ASPA: variants seen among roughly 807,000 people sequenced by gnomAD.
ASPA encodes the protein ACY-2.
In ASPA, 25 loss-of-function variants were observed where a neutral mutation model predicts 29.6. That is an observed-to-expected ratio of 0.85 (90% confidence interval 0.62 to 1.18). ASPA has a LOEUF of 1.18. Ranked by LOEUF, ASPA falls within the 50% of genes most tolerant of loss-of-function variation. The probability of loss-of-function intolerance (pLI) is 0.00; values close to 1 mark genes in which losing one functional copy is unlikely to be tolerated. For synonymous variants in ASPA, 131 were observed against 130.3 expected, an observed-to-expected ratio of 1.01 and a Z score of -0.04; for missense variants, 333 against 385.7, an observed-to-expected ratio of 0.86 and a Z score of 1.14.
intron 1 of ASPA, among the ~76,000 whole-genome samples, chr17:3,479,327 G>A (rs1474434380): frequency 6.6e-6 from 1 of 152,218 alleles, no homozygotes; most frequent in East Asian, 1.9e-4. Context: ...AAATGCGGAA[G>A]AATGATATAG....
chr17:3,483,008 AG>A (rs2073660216), intron 2 of ASPA, among the ~76,000 whole-genome samples: 2 of 143,068 alleles, frequency 1.4e-5, no homozygotes, highest in Admixed American at 1.5e-4. Context: ...CAGATATGGA[AG>A]CAGAATTGCT....
chr17:3,500,484 C>T lies in ASPA; in HGVS notation c.*1396C>T, dbSNP rs1008124619. 6.6e-6 allele frequency: 1 copy of T among 152,078 alleles called. No individual in the cohort carries two copies. The highest frequency in any genetic ancestry group is 1.5e-5 in the Non-Finnish European group (1 of 68,032). The allele number at this position is 152,078 out of a possible 1,614,324, so 9.4% of individuals were successfully genotyped here. ...TAAAGCCAAAGCTCATTAACTGTTT[C>T]AAAAATCCTAAAACTCTTGTTTTTT... On this transcript the variant is annotated 3_prime_UTR_variant, in exon 6 of 6. Coordinates refer to ENST00000263080, the MANE Select transcript of ASPA (RefSeq NM_000049.4).
intron 1 of ASPA, 36 bp from the exon 2 acceptor site, chr17:3,481,567 A>C: frequency 6.4e-7 from 1 of 1,569,930 alleles, no homozygotes; most frequent in East Asian, 2.2e-5. Flanking sequence ...TCTCAGGCAC[A>C]GATGTTGTTC....
intron 4 of ASPA, among the ~76,000 whole-genome samples, chr17:3,493,623 C>G (rs1347266518): frequency 6.7e-6 from 1 of 149,344 alleles, no homozygotes; most frequent in African/African-American, 2.5e-5. Context: ...ACCTCAGTTG[C>G]TGGAACTCCT....
intron 4 of ASPA, 51 bp from the exon 5 acceptor site, chr17:3,494,299 C>G: frequency 7.1e-7 from 1 of 1,412,926 alleles, no homozygotes; most frequent in South Asian, 1.1e-5. Flanking sequence ...CCACCACACC[C>G]GGCCCAGAGA....
At chr17:3,480,351 C>A (rs545504198) in intron 1 of ASPA, among the ~76,000 whole-genome samples, 305 of 152,332 alleles carry the variant, frequency 2.0e-3, no homozygotes, top group Non-Finnish European at 3.5e-3. Flanking sequence ...AATTCAGACA[C>A]TGGAATTTTT....
chr17:3,482,497 A>AGTGT (rs1468217055), intron 2 of ASPA, among the ~76,000 whole-genome samples: 1 of 152,206 alleles, frequency 6.6e-6, no homozygotes, highest in Non-Finnish European at 1.5e-5. Flanking sequence ...GAGAGGAAAG[A>AGTGT]GTGTGGCCTG....
intron 4 of ASPA, 31 bp downstream of exon 4, chr17:3,489,373 C>A: frequency 6.6e-7 from 1 of 1,505,848 alleles, no homozygotes; most frequent in Non-Finnish European, 9.2e-7. Context: ...CGTTATCAAA[C>A]TTAACCACCA....
chr17:3,483,305 A>G (rs901581040), intron 2 of ASPA, among the ~76,000 whole-genome samples, 194 bp from the exon 3 acceptor site: 1 of 152,146 alleles, frequency 6.6e-6, no homozygotes, highest in Non-Finnish European at 1.5e-5. Context: ...ATTGTATATG[A>G]ATTTCATATT....
At chr17:3,487,722 G>T (rs1190346640) in intron 3 of ASPA, among the ~76,000 whole-genome samples, 2 of 152,148 alleles carry the variant, frequency 1.3e-5, no homozygotes, top group Non-Finnish European at 2.9e-5. Flanking sequence ...GGATTATTAT[G>T]ATTGACTTAA....
intron 4 of ASPA, among the ~76,000 whole-genome samples, chr17:3,492,709 G>A (rs1483114820): frequency 5.3e-5 from 8 of 152,150 alleles, no homozygotes; most frequent in Non-Finnish European, 1.2e-4. Context: ...AGCCTTTGAG[G>A]TGGAAAACTC....
At chr17:3,476,893 T>A (rs1040621410) in intron 1 of ASPA, among the ~76,000 whole-genome samples, 15 of 152,218 alleles carry the variant, frequency 9.9e-5, no homozygotes, top group Non-Finnish European at 2.1e-4. Context: ...ATATCTTTTG[T>A]CAGAAGACAT....
In ASPA at chr17:3,476,381, C is replaced by T; in HGVS notation, c.222C>T (p.Asp74=). 6.2e-7 allele frequency: 1 copy of T among 1,613,938 alleles called. No homozygotes were observed. The highest frequency in any genetic ancestry group is 8.5e-7 in the Non-Finnish European group (1 of 1,179,980). Residue 74 remains aspartate, a synonymous_variant, in exon 1 of 6, where the codon GAC becomes GAT. Coordinates refer to ENST00000263080, the MANE Select transcript of ASPA (RefSeq NM_000049.4). ...YIDCDLNRIF[D]LENLGKKMSE... ...ACTGTGACCTGAATCGCATTTTTGA[C>T]CTTGAAAATCTTGGGTAAGACTATG...
In ASPA at chr17:3,496,727, C is replaced by T. The variant is rs77774987; in HGVS notation, c.745-2164C>T. 1.2e-3 allele frequency among the ~76,000 whole-genome samples: 181 copies of T among 152,338 alleles called. 1 individual carries two copies. In the East Asian group the frequency reaches 0.029, roughly 25 times the overall value. ...CCCACCACAAACTACTAAAGTAGCGCTTCTCAAACTTGAGCCACATGACAA... is the reference window on the plus strand; with the variant it reads ...CCCACCACAAACTACTAAAGTAGCGTTTCTCAAACTTGAGCCACATGACAA... On this transcript the variant is annotated intron_variant, in intron 5 of 5. Transcript: ENST00000263080.
At chr17:3,474,457 C>T (rs890333433), upstream of ASPA, among the ~76,000 whole-genome samples, 2 of 152,170 alleles carry the variant, frequency 1.3e-5, no homozygotes, top group African/African-American at 4.8e-5. Flanking sequence ...ATGGTTACTG[C>T]TCTTAAAACC....
intron 3 of ASPA, among the ~76,000 whole-genome samples, chr17:3,484,583 T>C (rs2073687435): frequency 6.6e-6 from 1 of 152,226 alleles, no homozygotes; most frequent in Admixed American, 6.5e-5. Context: ...GTCTTGAAAT[T>C]ATCTGTGATG....
At chr17:3,497,788 G>A (rs969430293) in intron 5 of ASPA, among the ~76,000 whole-genome samples, 2 of 152,158 alleles carry the variant, frequency 1.3e-5, no homozygotes, top group African/African-American at 4.8e-5. Context: ...TTTCTAACAG[G>A]CTCCTGGGTG....
At chr17:3,491,877 C>CTTTTTTTT (rs540965896) in intron 4 of ASPA, among the ~76,000 whole-genome samples, 4 of 123,058 alleles carry the variant, frequency 3.3e-5, no homozygotes, top group Non-Finnish European at 4.9e-5. Context: ...CTTTTGTTTT[C>CTTTTTTTT]TTTTTTTTTT....
rs111502077 is a variant in ASPA, at chr17:3,501,863, G to A, written c.*2775G>A. On this transcript the variant is annotated 3_prime_UTR_variant, in exon 6 of 6. Transcript: ENST00000263080. ...AGCTACTTGGGAGGCTGAGGCAGAA[G>A]GATCACTTGAACCCAGGAGGCAGAG... is the stretch of plus-strand genomic sequence containing the variant. 33,128 of 152,018 alleles carry A rather than the reference G, an allele frequency of 0.22. 3,881 individuals are homozygous for A. Among genetic ancestry groups the A allele is most frequent in the Non-Finnish European group, 0.27 (18,512 of 68,076 alleles). 9.4% of individuals were successfully genotyped at this position (152,018 alleles called of 1,614,324 possible).
Sources: allele counts gnomAD v4.1 joint callset (sites outside exome capture counted in the v4.1 genomes callset), GRCh38; gene constraint gnomAD v4.1.1; transcripts MANE v1.5; gene names NCBI Gene and HGNC (gene_info 2026-07-23, HGNC 2026-07-21).